The following PHLPP1 variants were observed in gnomAD, a reference collection of about 807,000 sequenced individuals.
PHLPP1 encodes the protein PH domain leucine-rich repeat-containing protein phosphatase 1.
Under a neutral mutation model 117.2 loss-of-function variants are expected in PHLPP1, and 42 were observed. The ratio of observed to expected loss-of-function variants is 0.36; its 90% CI spans 0.28 to 0.46. The LOEUF (loss-of-function observed/expected upper bound fraction) is 0.46, where lower values mean the gene tolerates loss of function less well. Among genes scored for constraint, PHLPP1 ranks in the 20% least tolerant of loss-of-function variants. The probability of loss-of-function intolerance (pLI) is 1.00; values close to 1 mark genes in which losing one functional copy is unlikely to be tolerated. For synonymous variants in PHLPP1, 1,042 were observed against 970.7 expected (o/e 1.07, Z -1.37); for missense variants, 2,084 against 2,241.9 (o/e 0.93, Z 1.42).
chr18:62,961,152 C>T (rs1910755483), intron 13 of PHLPP1, among the ~76,000 whole-genome samples: 1 of 152,044 alleles, frequency 6.6e-6, no homozygotes, highest in Non-Finnish European at 1.5e-5. Context: ...AAAAAATTGG[C>T]GGGCGAGGTG....
chr18:62,780,519 A>G lies in PHLPP1; in HGVS notation c.1577-49516A>G, dbSNP rs28702792. On this transcript the variant is annotated intron_variant, in intron 1 of 16. Transcript: ENST00000262719. Reference sequence around the variant, plus strand: ...ATATCATTCTTCATTGACATTAGATATGCATCAGTTTTAAGAAATCTTATA... The same window carrying G: ...ATATCATTCTTCATTGACATTAGATGTGCATCAGTTTTAAGAAATCTTATA... 2.2e-3 allele frequency among the ~76,000 whole-genome samples: 328 copies of G among 152,316 alleles called. 1 individual carries two copies. The highest frequency in any genetic ancestry group is 7.6e-3 in the African/African-American group (314 of 41,562).
At chr18:62,822,486 G>A (rs1361739806) in intron 1 of PHLPP1, among the ~76,000 whole-genome samples, 3 of 151,552 alleles carry the variant, frequency 2.0e-5, no homozygotes, top group Admixed American at 6.6e-5. Context: ...GGGTTTCACC[G>A]TGTTAGCCAG....
chr18:62,757,341 T>C (rs900910613), intron 1 of PHLPP1, among the ~76,000 whole-genome samples: 7 of 152,236 alleles, frequency 4.6e-5, no homozygotes. Flanking sequence ...TTTTATTTCA[T>C]TTCTTGCTGA....
At chr18:62,776,720 C>T (rs1912969236) in intron 1 of PHLPP1, among the ~76,000 whole-genome samples, 1 of 151,864 alleles carries the variant, frequency 6.6e-6, no homozygotes, top group African/African-American at 2.4e-5. Flanking sequence ...AGTGATTCTC[C>T]TGCCTCAGCC....
intron 1 of PHLPP1, among the ~76,000 whole-genome samples, chr18:62,776,758 C>T (rs1453114260): frequency 2.6e-5 from 4 of 151,966 alleles, no homozygotes; most frequent in East Asian, 1.9e-4. Context: ...TACAGGTACC[C>T]GCCACCACAC....
intron 4 of PHLPP1, among the ~76,000 whole-genome samples, chr18:62,871,529 T>C (rs540051550): frequency 1.3e-5 from 2 of 152,214 alleles, no homozygotes; most frequent in Admixed American, 6.5e-5. Flanking sequence ...AGTTTCACCA[T>C]GTCGGCCAGT....
intron 1 of PHLPP1, among the ~76,000 whole-genome samples, chr18:62,743,433 G>A (rs1392499804): frequency 4.6e-5 from 7 of 151,442 alleles, no homozygotes; most frequent in African/African-American, 7.3e-5. Flanking sequence ...ACTTTATCTC[G>A]AATCACCTTC....
intron 1 of PHLPP1, among the ~76,000 whole-genome samples, chr18:62,794,508 C>T (rs1316857943): frequency 6.6e-6 from 1 of 152,042 alleles, no homozygotes; most frequent in Non-Finnish European, 1.5e-5. Context: ...GATGGGACTA[C>T]AGCTGCACAT....
rs755961510 is a variant in PHLPP1 at position 62,838,861 on chromosome 18, C to T, written c.1851C>T (p.Cys617=). ...CCCAAAGCCAGACTTACTACATTTG[C>T]TTTGATACTTTCACAGAATACTTAA... ...SGPQSQTYYI[C]FDTFTEYLRW... The change falls in exon 3 of 17, where the codon TGC becomes TGT. Residue 617 remains cysteine, a synonymous_variant. Transcript: ENST00000262719. 14 of 1,613,754 alleles carry T rather than the reference C, an allele frequency of 8.7e-6. No homozygotes were observed. Among genetic ancestry groups the T allele is most frequent in the Non-Finnish European group, 1.2e-5 (14 of 1,179,802 alleles).
chr18:62,973,322 G>C (rs941163100), intron 15 of PHLPP1, among the ~76,000 whole-genome samples: 3 of 152,210 alleles, frequency 2.0e-5, no homozygotes, highest in African/African-American at 7.2e-5. Flanking sequence ...GTGGAATATT[G>C]TTTGTAACTC....
In PHLPP1 at chr18:62,715,607, C is replaced by A; in HGVS notation, c.-77C>A. The A allele has an allele frequency of 9.9e-7, 1 of 1,011,454 alleles. No individual in the cohort carries two copies. The highest frequency in any genetic ancestry group is 1.3e-6 in the Non-Finnish European group (1 of 782,214). The allele number at this position is 1,011,454 out of a possible 1,614,324, so 62.7% of individuals were successfully genotyped here. ...TCCCTTCTCCGCGCGCCGCCGCCGT[C>A]TCCCACCTCCGCCTCATCGCCTCCC... On this transcript the variant is annotated 5_prime_UTR_variant, in exon 1 of 17. Transcript: ENST00000262719.
At chr18:62,972,178 T>C (rs1377069559) in intron 14 of PHLPP1, among the ~76,000 whole-genome samples, 9 of 152,270 alleles carry the variant, frequency 5.9e-5, no homozygotes, top group Non-Finnish European at 5.9e-5. Flanking sequence ...TTGTGGTTAA[T>C]AACTGCTTAT....
At chr18:62,822,286 G>T (rs61001974) in intron 1 of PHLPP1, among the ~76,000 whole-genome samples, 97,947 of 132,692 alleles carry the variant, frequency 0.74, 35,819 homozygotes, top group Non-Finnish European at 0.78. Context: ...TTTTGTTTTT[G>T]TTTTTTTTTT....
At chr18:62,823,731 A>G (rs974677990) in intron 1 of PHLPP1, among the ~76,000 whole-genome samples, 1 of 152,078 alleles carries the variant, frequency 6.6e-6, no homozygotes, top group Non-Finnish European at 1.5e-5. Flanking sequence ...TACTTTGGCA[A>G]AGAAGATATG....
chr18:62,754,407 C>T (rs755837962), intron 1 of PHLPP1, among the ~76,000 whole-genome samples: 59 of 152,290 alleles, frequency 3.9e-4, no homozygotes, highest in Non-Finnish European at 8.5e-4. Flanking sequence ...AGTCTTCATA[C>T]TTTTTTTCCC....
chr18:62,845,343 G>A (rs1201306532), intron 3 of PHLPP1, among the ~76,000 whole-genome samples: 1 of 152,110 alleles, frequency 6.6e-6, no homozygotes, highest in African/African-American at 2.4e-5. Flanking sequence ...ACTTCTGGTT[G>A]CCGTGATTTG....
At chr18:62,844,505 C>T (rs2144346319) in intron 3 of PHLPP1, among the ~76,000 whole-genome samples, 1 of 152,256 alleles carries the variant, frequency 6.6e-6, no homozygotes, top group Non-Finnish European at 1.5e-5. Flanking sequence ...AACCCCCACA[C>T]ACCTGTGACC....
At chr18:62,733,818 G>C (rs1198204293) in intron 1 of PHLPP1, among the ~76,000 whole-genome samples, 2 of 152,172 alleles carry the variant, frequency 1.3e-5, no homozygotes, top group Non-Finnish European at 1.5e-5. Context: ...TCAGTTCTGG[G>C]ATCCTGAATT....
intron 16 of PHLPP1, among the ~76,000 whole-genome samples, chr18:62,977,788 T>TGGGA (rs2144495285): frequency 6.6e-6 from 1 of 152,202 alleles, no homozygotes; most frequent in East Asian, 1.9e-4. Context: ...GTGTCTTTGC[T>TGGGA]CAGGACTGGC....
Sources: gnomAD v4.1 joint callset for allele counts (sites outside exome capture counted in the v4.1 genomes callset) on GRCh38, gnomAD v4.1.1 for gene constraint, MANE v1.5 for transcripts, NCBI Gene and HGNC (gene_info 2026-07-23, HGNC 2026-07-21) for gene names.